The following ARFGEF3 variants were observed in gnomAD, a reference collection of about 807,000 sequenced individuals.
ARFGEF3 encodes the protein ARFGEF family member 3, also known as brefeldin A-inhibited guanine nucleotide-exchange protein 3.
A neutral mutation model predicts 221.7 loss-of-function variants in ARFGEF3; 96 were observed. That is an observed-to-expected ratio of 0.43 (90% CI 0.37 to 0.51). ARFGEF3 has a LOEUF of 0.51. Ranked by LOEUF, ARFGEF3 falls within the 20% of genes least tolerant of loss-of-function variation. The pLI is 0.00. For synonymous variants in ARFGEF3, 1,145 were observed against 1,126.8 expected (o/e 1.02, Z -0.32); for missense variants, 2,410 against 2,789.9 (o/e 0.86, Z 3.07).
chr6:138,291,169 A>G lies in ARFGEF3; in HGVS notation c.3048-564A>G, dbSNP rs370187742. ...GTGGTGACCCTTCTCTGTGTCTGCC[A>G]TAATTCGGTGACTGCCCTCCCACCC... On this transcript the variant is annotated intron_variant, in intron 18 of 33. Coordinates refer to ENST00000251691, the MANE Select transcript of ARFGEF3 (RefSeq NM_020340.5). The surrounding 1 kb of genome is among the most constrained non-coding windows in gnomAD (Gnocchi z 4.5). Among the ~76,000 whole-genome samples, 46 of 152,110 alleles carry G rather than the reference A, an allele frequency of 3.0e-4. No homozygotes were observed. Among genetic ancestry groups the G allele is most frequent in the African/African-American group, 1.1e-3 (46 of 41,418 alleles).
At chr6:138,251,626 G>T (rs1259403285) in intron 8 of ARFGEF3, among the ~76,000 whole-genome samples, 7 of 152,016 alleles carry the variant, frequency 4.6e-5, no homozygotes, top group Non-Finnish European at 1.5e-5. Flanking sequence ...CACCTCTTGG[G>T]CTGATACCAC....
chr6:138,280,004 C>G lies in ARFGEF3; in HGVS notation c.2301C>G (p.Asp767Glu). 6.2e-7 allele frequency: 1 copy of G among 1,613,906 alleles called. No homozygotes were observed. Among genetic ancestry groups the G allele is most frequent in the Non-Finnish European group, 8.5e-7 (1 of 1,179,854 alleles). Residue 767 changes from aspartate to glutamate, a missense_variant, in exon 14 of 34, where the codon GAC (aspartate) becomes GAG (glutamate). Coordinates refer to ENST00000251691, the MANE Select transcript of ARFGEF3 (RefSeq NM_020340.5). ...RPTLAPGVMK[D>E]FMKQVQTSGV... ...CTCATGCGATCTCTCTGTAGAAGGA[C>G]TTCATGAAGCAGGTGCAGACCAGCG...
intron 21 of ARFGEF3, among the ~76,000 whole-genome samples, chr6:138,298,214 G>A (rs113649630): frequency 1.3e-5 from 2 of 152,096 alleles, no homozygotes; most frequent in Admixed American, 1.3e-4. Flanking sequence ...TCACCTCACT[G>A]AGGGACAAAT....
intron 9 of ARFGEF3, 70 bp from the exon 10 acceptor site, chr6:138,255,366 G>C: frequency 8.7e-7 from 1 of 1,146,978 alleles, no homozygotes; most frequent in Middle Eastern, 2.0e-4. Flanking sequence ...TATGGCATCT[G>C]TTTACTCGCA....
chr6:138,276,924 C>G (rs923010171), intron 12 of ARFGEF3, among the ~76,000 whole-genome samples: 1 of 152,156 alleles, frequency 6.6e-6, no homozygotes, highest in Non-Finnish European at 1.5e-5. Flanking sequence ...CCTTGGCCTC[C>G]AAAAGTGCTG....
intron 8 of ARFGEF3, among the ~76,000 whole-genome samples, chr6:138,246,569 G>A (rs1423993239): frequency 6.6e-6 from 1 of 152,160 alleles, no homozygotes; most frequent in Non-Finnish European, 1.5e-5. Context: ...TTGCCAAATG[G>A]TTTCTTCGTC....
At chr6:138,281,303 TTC>T (rs1779191622) in intron 14 of ARFGEF3, among the ~76,000 whole-genome samples, 1 of 152,172 alleles carries the variant, frequency 6.6e-6, no homozygotes, top group South Asian at 2.1e-4. Flanking sequence ...CATGTGATAG[TTC>T]TCTCTCTATA....
At chr6:138,237,061 T>C (rs1010413660) in intron 5 of ARFGEF3, among the ~76,000 whole-genome samples, 1 of 150,782 alleles carries the variant, frequency 6.6e-6, no homozygotes, top group African/African-American at 2.4e-5. Flanking sequence ...TAACATTCAA[T>C]AGGAGATAAA....
chr6:138,263,366 C>T lies in ARFGEF3; in HGVS notation c.1883C>T (p.Ser628Leu). The change falls in exon 12 of 34, where the codon TCA becomes TTA. Residue 628 changes from serine (S) to leucine (L), a missense_variant. Ser to Leu is a moderately radical substitution (Grantham distance 145). Around this residue, in one of 5 missense-constraint regions of ARFGEF3, gnomAD observed 594 missense variants for 734.3 expected, o/e 0.81. Coordinates refer to ENST00000251691, the MANE Select transcript of ARFGEF3 (RefSeq NM_020340.5). ...AEKDSGRSDV[S>L]DIGSDNCSLA... ...AAGGACTCGGGCAGGTCCGACGTGT[C>T]AGACATTGGGTCGGACAACTGTTCA... is the stretch of plus-strand genomic sequence containing the variant. The T allele has an allele frequency of 6.2e-7, 1 of 1,614,032 alleles. No homozygotes were observed.
chr6:138,308,172 G>A (rs1779760542), intron 23 of ARFGEF3, among the ~76,000 whole-genome samples: 1 of 152,140 alleles, frequency 6.6e-6, no homozygotes, highest in Non-Finnish European at 1.5e-5. Context: ...ACTCCCAACA[G>A]GAAAGCAGGT....
At chr6:138,238,246 C>T (rs184768561) in intron 5 of ARFGEF3, among the ~76,000 whole-genome samples, 19 of 152,242 alleles carry the variant, frequency 1.2e-4, no homozygotes, top group African/African-American at 4.1e-4. Context: ...ATCTAAAAAT[C>T]GCTAATTTGC....
At chr6:138,321,990 G>A (rs773537774) in intron 29 of ARFGEF3, among the ~76,000 whole-genome samples, 7 of 152,202 alleles carry the variant, frequency 4.6e-5, no homozygotes, top group Non-Finnish European at 7.3e-5. Flanking sequence ...CAAAGAGAGA[G>A]CTTGCTCAGG....
intron 22 of ARFGEF3, among the ~76,000 whole-genome samples, chr6:138,306,606 GT>G (rs79219211): frequency 0.21 from 31,343 of 152,080 alleles, 3,553 homozygotes; most frequent in East Asian, 0.45. Flanking sequence ...CAGACCTATA[GT>G]TCAGTGGAAC....
At chr6:138,241,448 C>T (rs1368787167) in intron 6 of ARFGEF3, among the ~76,000 whole-genome samples, 1 of 152,200 alleles carries the variant, frequency 6.6e-6, no homozygotes, top group East Asian at 1.9e-4. Flanking sequence ...CCTACCTGCC[C>T]TTCTTCCTAC....
At chr6:138,333,434 T>C (rs1015632914) in intron 32 of ARFGEF3, among the ~76,000 whole-genome samples, 2 of 152,142 alleles carry the variant, frequency 1.3e-5, no homozygotes, top group African/African-American at 4.8e-5. Flanking sequence ...TTATATTCTA[T>C]AGCTTTGGGA....
chr6:138,224,905 G>A (rs918763781), intron 4 of ARFGEF3, among the ~76,000 whole-genome samples: 5 of 152,182 alleles, frequency 3.3e-5, no homozygotes, highest in Admixed American at 1.3e-4. Context: ...GTTCTCCAAA[G>A]CATGTTACTT....
intron 2 of ARFGEF3, among the ~76,000 whole-genome samples, chr6:138,205,470 C>CCTACTT (rs1777609651): frequency 1.3e-5 from 2 of 152,164 alleles, no homozygotes; most frequent in Admixed American, 1.3e-4. Flanking sequence ...GCCCTTGGTT[C>CCTACTT]CTACTTCTCA....
rs555480212 is a variant in ARFGEF3, at chr6:138,295,172, A to G, written c.3502+1046A>G. On this transcript the variant is annotated intron_variant, in intron 20 of 33. Coordinates refer to ENST00000251691, the MANE Select transcript of ARFGEF3 (RefSeq NM_020340.5). ...GGGGCCAGGAAGGGTCGGTAAATCT[A>G]GAAAGAGGGAGACTTACTTCGGAAT... 3.3e-5 allele frequency among the ~76,000 whole-genome samples: 5 copies of G among 152,318 alleles called. 1 individual carries two copies. The East Asian group carries it at 7.7e-4, about 23-fold the overall frequency.
chr6:138,174,031 C>T (rs1179861300), intron 2 of ARFGEF3, among the ~76,000 whole-genome samples: 1 of 152,150 alleles, frequency 6.6e-6, no homozygotes, highest in East Asian at 1.9e-4. Flanking sequence ...GAATGAGACA[C>T]AGCAGATGTG....
Sources: gnomAD v4.1 joint callset for allele counts (sites outside exome capture counted in the v4.1 genomes callset) on GRCh38, gnomAD v4.1.1 for gene constraint, gnomAD v4.1.1 regional missense constraint, Gnocchi (gnomAD v3.1) non-coding constraint, MANE v1.5 for transcripts, NCBI Gene and HGNC (gene_info 2026-07-23, HGNC 2026-07-21) for gene names.